Variants in LAMA3 observed in about 807,000 individuals in gnomAD.
LAMA3 encodes laminin subunit alpha-3.
Under a neutral mutation model 402.0 loss-of-function variants are expected in LAMA3, and 281 were observed. The observed-to-expected ratio is 0.70, with a 90% CI of 0.63 to 0.77. The LOEUF (loss-of-function observed/expected upper bound fraction) is 0.77, where lower values mean the gene tolerates loss of function less well. Ranked by LOEUF, LAMA3 falls within the 30% of genes least tolerant of loss-of-function variation. The probability of loss-of-function intolerance (pLI) is 0.00; values close to 1 mark genes in which losing one functional copy is unlikely to be tolerated. For synonymous variants in LAMA3, 1,431 were observed against 1,558.4 expected (o/e 0.92, Z 1.93); for missense variants, 3,840 against 4,215.5 (o/e 0.91, Z 2.47).
At chr18:23,770,485 G>C (rs2062172829) in intron 8 of LAMA3, among the ~76,000 whole-genome samples, 1 of 152,190 alleles carries the variant, frequency 6.6e-6, no homozygotes, top group South Asian at 2.1e-4. Flanking sequence ...AACAAGGCCG[G>C]GTGCTGTGGC....
intron 7 of LAMA3, among the ~76,000 whole-genome samples, chr18:23,763,196 A>G (rs1298003304): frequency 6.6e-6 from 1 of 152,284 alleles, no homozygotes; most frequent in South Asian, 2.1e-4. Flanking sequence ...AACTTCGCTC[A>G]TGGAATATCA....
At chr18:23,935,183 G>T (rs2082276162) in intron 67 of LAMA3, among the ~76,000 whole-genome samples, 1 of 152,234 alleles carries the variant, frequency 6.6e-6, no homozygotes, top group Admixed American at 6.5e-5. Flanking sequence ...GGAAGACAAG[G>T]GAGAGGCAGG....
intron 24 of LAMA3, chr18:23,834,580 A>G (rs2063547550): frequency 6.2e-6 from 1 of 161,418 alleles, no homozygotes; most frequent in Admixed American, 5.8e-5. Flanking sequence ...GCAAATGTTC[A>G]GAGCATGCTG....
At chr18:23,789,715 G>A (rs548630284) in intron 12 of LAMA3, among the ~76,000 whole-genome samples, 23 of 152,232 alleles carry the variant, frequency 1.5e-4, no homozygotes, top group Non-Finnish European at 3.1e-4. Context: ...TAGGGGGAAC[G>A]AAAATGTTCT....
At chr18:23,859,785 T>G (rs1309445874) in intron 34 of LAMA3, among the ~76,000 whole-genome samples, 1 of 152,186 alleles carries the variant, frequency 6.6e-6, no homozygotes, top group Non-Finnish European at 1.5e-5. Flanking sequence ...GCATGATTGA[T>G]TAAATCATTA....
intron 24 of LAMA3, chr18:23,834,791 A>G (rs1363872583): frequency 6.6e-6 from 1 of 152,276 alleles, no homozygotes; most frequent in Non-Finnish European, 1.5e-5. Flanking sequence ...AGCAATGGAC[A>G]TCTTCCCTGT....
chr18:23,903,294 G>C (rs933209251), intron 49 of LAMA3, among the ~76,000 whole-genome samples, 169 bp downstream of exon 49: 36 of 152,300 alleles, frequency 2.4e-4, no homozygotes, highest in Admixed American at 5.9e-4. Flanking sequence ...AAAGAAGTAT[G>C]AATGACATGT....
rs370633872 is a variant in LAMA3 at position 23,948,404 on chromosome 18, A to G, written c.9352-1361A>G. Among the ~76,000 whole-genome samples the G allele has an allele frequency of 2.8e-4, 43 of 152,256 alleles. No homozygotes were observed. In the East Asian group the frequency reaches 6.4e-3, roughly 23 times the overall value. ...CACTGCAGTCAGCCCTTAGGGATCA[A>G]TGCTGGGTTCTGGCCCATCCTGGGG... On this transcript the variant is annotated intron_variant, in intron 70 of 74. Transcript: ENST00000313654.
intron 25 of LAMA3, 186 bp downstream of exon 25, chr18:23,837,275 A>G: frequency 3.3e-6 from 2 of 602,308 alleles, no homozygotes; most frequent in Non-Finnish European, 5.9e-6. Flanking sequence ...ATTTTTTGAT[A>G]TGGCCTAATA....
chr18:23,904,435 A>AT (rs2081174400), intron 50 of LAMA3, 118 bp from the exon 51 acceptor site: 1 of 1,228,748 alleles, frequency 8.1e-7, no homozygotes, highest in African/African-American at 1.6e-5. Flanking sequence ...GTTTTTTTCC[A>AT]TTTCTTAAAA....
Position 23,705,669 on chromosome 18 carries a change from C to T in LAMA3, c.295-8251C>T, listed in dbSNP as rs2060875779. ...CTTCCCAAGTAGCTGGGATGCATGC[C>T]ACCATGCCCAGCTAATTTTTGTATT... On this transcript the variant is annotated intron_variant, in intron 1 of 74. Coordinates refer to ENST00000313654, the MANE Select transcript of LAMA3 (RefSeq NM_198129.4). Among the ~76,000 whole-genome samples, 2 of 152,076 alleles carry T rather than the reference C, an allele frequency of 1.3e-5. 1 individual carries two copies. Among genetic ancestry groups the T allele is most frequent in the South Asian group, 4.1e-4 (2 of 4,824 alleles).
Position 23,847,549 on chromosome 18 carries a change from G to A in LAMA3, c.4017G>A (p.Val1339=). Residue 1339 remains valine, a synonymous_variant, in exon 32 of 75, where the codon GTG becomes GTA. Coordinates refer to ENST00000313654, the MANE Select transcript of LAMA3 (RefSeq NM_198129.4). ...PPRTVRPQCE[V]CETHSFSFHP... ...GCACGGTCAGGCCCCAGTGTGAGGT[G>A]TGTGAGACACACTCATTCAGCTTCC... 6.2e-7 allele frequency: 1 copy of A among 1,614,138 alleles called. No individual in the cohort carries two copies. The highest frequency in any genetic ancestry group is 8.5e-7 in the Non-Finnish European group (1 of 1,180,056).
chr18:23,910,053 G>A (rs1490097421), intron 55 of LAMA3, among the ~76,000 whole-genome samples: 1 of 152,094 alleles, frequency 6.6e-6, no homozygotes, highest in Non-Finnish European at 1.5e-5. Flanking sequence ...AAGAGCATAA[G>A]GCAAAGTTTG....
At chr18:23,924,532 C>A (rs1470251268) in intron 62 of LAMA3, among the ~76,000 whole-genome samples, 3 of 138,630 alleles carry the variant, frequency 2.2e-5, no homozygotes, top group Non-Finnish European at 4.6e-5. Flanking sequence ...TATACTTTGA[C>A]CTTTTTTTTT....
chr18:23,889,889 T>C, intron 41 of LAMA3, 122 bp from the exon 42 acceptor site: 1 of 784,590 alleles, frequency 1.3e-6, no homozygotes, highest in East Asian at 2.4e-5. Context: ...CTTGCAGATC[T>C]ATGTCGGTCT....
In LAMA3 at chr18:23,928,741, C is replaced by T; in HGVS notation, c.8412C>T (p.Gly2804=). ...SFGFQTFQPS[G]ILLDHQTWTR... ...GATTTCAGACCTTTCAACCCAGTGG[C>T]ATATTATTAGATCATCAGACATGGG... is the stretch of plus-strand genomic sequence containing the variant. The change falls in exon 64 of 75, where the codon GGC becomes GGT. Residue 2804 remains glycine, a synonymous_variant. Transcript: ENST00000313654. 1 of 1,613,932 alleles carries T rather than the reference C, an allele frequency of 6.2e-7. No individual in the cohort carries two copies. The highest frequency in any genetic ancestry group is 8.5e-7 in the Non-Finnish European group (1 of 1,179,816).
chr18:23,893,801 G>T (rs1203829197), intron 42 of LAMA3, among the ~76,000 whole-genome samples: 1 of 152,190 alleles, frequency 6.6e-6, no homozygotes, highest in Non-Finnish European at 1.5e-5. Context: ...ATGGGGCTCT[G>T]TTACACTGTA....
intron 52 of LAMA3, 59 bp downstream of exon 52, chr18:23,905,683 C>G (rs897515336): frequency 2.0e-5 from 18 of 922,974 alleles, no homozygotes; most frequent in Non-Finnish European, 3.1e-5. Context: ...ACCTCTGGGA[C>G]CAGGTGGGGC....
chr18:23,903,563 GTTACATA>G (rs1175835073), intron 49 of LAMA3, among the ~76,000 whole-genome samples: 6 of 152,152 alleles, frequency 3.9e-5, no homozygotes, highest in Non-Finnish European at 7.3e-5. Context: ...GTGCAGGTTA[GTTACATA>G]TGTATACATG....
Sources: gnomAD v4.1 joint callset for allele counts (sites outside exome capture counted in the v4.1 genomes callset) on GRCh38, gnomAD v4.1.1 for gene constraint, MANE v1.5 for transcripts, NCBI Gene and HGNC (gene_info 2026-07-23, HGNC 2026-07-21) for gene names.